The following GALNT17 variants were observed in gnomAD, a reference collection of about 807,000 sequenced individuals.
GALNT17 encodes UDP-GalNAc:polypeptide N-acetylgalactosaminyltransferase-like 3.
A neutral mutation model predicts 63.7 loss-of-function variants in GALNT17; 29 were observed. That is an observed-to-expected ratio of 0.46 (90% CI 0.34 to 0.62). The LOEUF (loss-of-function observed/expected upper bound fraction) is 0.62. Among genes scored for constraint, GALNT17 ranks in the 20% least tolerant of loss-of-function variants. The pLI, the probability that GALNT17 is intolerant of heterozygous loss-of-function variation, is 0.01. For missense variants in GALNT17, 603 were observed against 799.6 expected (o/e 0.75, Z 2.97); for synonymous variants, 305 against 318.3 (o/e 0.96, Z 0.45).
intron 5 of GALNT17, among the ~76,000 whole-genome samples, chr7:71,487,910 A>T (rs1350920737): frequency 6.6e-6 from 1 of 152,074 alleles, no homozygotes; most frequent in Admixed American, 6.6e-5. Flanking sequence ...GCTCACACCT[A>T]TAATTCCAGT....
chr7:71,615,174 C>T lies in GALNT17; in HGVS notation c.1080+43772C>T, dbSNP rs370932131. Reference sequence around the variant, plus strand: ...CAAGGCCAGCGCTTCAGCACATAGCCTGCAGAGGCCCCATTGCCAGTGCCT... The same window carrying T: ...CAAGGCCAGCGCTTCAGCACATAGCTTGCAGAGGCCCCATTGCCAGTGCCT... On this transcript the variant is annotated intron_variant, in intron 6 of 10. Transcript: ENST00000333538. 7.2e-5 allele frequency among the ~76,000 whole-genome samples: 11 copies of T among 152,314 alleles called. No individual in the cohort carries two copies. The East Asian group carries it at 1.7e-3, about 24-fold the overall frequency.
chr7:71,401,097 C>CTTT (rs544794124), intron 3 of GALNT17, among the ~76,000 whole-genome samples: 2 of 140,060 alleles, frequency 1.4e-5, no homozygotes, highest in African/African-American at 2.6e-5. Context: ...TTTTCTTTTT[C>CTTT]TTTTTTTTTT....
intron 5 of GALNT17, among the ~76,000 whole-genome samples, chr7:71,514,287 G>A (rs543928705): frequency 2.0e-5 from 3 of 152,258 alleles, no homozygotes; most frequent in East Asian, 3.9e-4. Context: ...AGCTGGGAAC[G>A]ATCAAGGATG....
At position 71,460,146 on chromosome 7, in the gene GALNT17, G is replaced by A. The variant is rs1296587394; in HGVS notation, c.962+39041G>A. On this transcript the variant is annotated intron_variant, in intron 5 of 10. Coordinates refer to ENST00000333538, the MANE Select transcript of GALNT17 (RefSeq NM_022479.3). ...GGACCCCCTGAGGGCTGTGTCACGG[G>A]CCATGGTCACTCATATTTGGCTCAG... is the stretch of plus-strand genomic sequence containing the variant. 1.3e-5 allele frequency among the ~76,000 whole-genome samples: 2 copies of A among 151,974 alleles called. 1 individual carries two copies. Among genetic ancestry groups the A allele is most frequent in the Non-Finnish European group, 2.9e-5 (2 of 67,988 alleles).
chr7:71,141,736 G>A (rs954718156), intron 1 of GALNT17, among the ~76,000 whole-genome samples: 1 of 150,258 alleles, frequency 6.7e-6, no homozygotes, highest in African/African-American at 2.5e-5. Context: ...GAGTACAGTG[G>A]CATGATCTCG....
In GALNT17 at chr7:71,420,966, A is replaced by G. The variant is rs749428973; in HGVS notation, c.823A>G (p.Ile275Val). 9.3e-6 allele frequency: 15 copies of G among 1,613,964 alleles called. No homozygotes were observed. The highest frequency in any genetic ancestry group is 1.2e-5 in the Non-Finnish European group (14 of 1,180,010). The change falls in exon 5 of 11, where the codon ATT becomes GTT. Residue 275 changes from isoleucine to valine, a missense_variant. Coordinates refer to ENST00000333538, the MANE Select transcript of GALNT17 (RefSeq NM_022479.3). Reference protein sequence around the residue: ...ENRKRVILPSIDNIKQDNFEV... With the variant: ...ENRKRVILPSVDNIKQDNFEV... ...CCGGAAGCGTGTGATCCTCCCCTCC[A>G]TTGACAACATCAAACAGGACAACTT...
At chr7:71,463,360 AG>A (rs1787482680) in intron 5 of GALNT17, among the ~76,000 whole-genome samples, 1 of 152,190 alleles carries the variant, frequency 6.6e-6, no homozygotes, top group Admixed American at 6.5e-5. Flanking sequence ...GCACATGGGC[AG>A]TGTCTAGTGC....
intron 5 of GALNT17, among the ~76,000 whole-genome samples, chr7:71,483,169 G>T (rs529354346): frequency 6.6e-6 from 1 of 152,282 alleles, no homozygotes; most frequent in Admixed American, 6.5e-5. Flanking sequence ...GTTGCTCTGG[G>T]TGAGTCAGTG....
intron 6 of GALNT17, among the ~76,000 whole-genome samples, chr7:71,589,405 C>T (rs1229096236): frequency 6.6e-6 from 1 of 152,008 alleles, no homozygotes; most frequent in Non-Finnish European, 1.5e-5. Context: ...TAGGGAGACC[C>T]GTCTCTACAA....
intron 5 of GALNT17, among the ~76,000 whole-genome samples, chr7:71,439,314 G>A (rs1787023863): frequency 6.6e-6 from 1 of 152,156 alleles, no homozygotes; most frequent in Non-Finnish European, 1.5e-5. Flanking sequence ...CTTACAGAAT[G>A]GTGAACACCT....
At chr7:71,614,635 G>A (rs1330677909) in intron 6 of GALNT17, among the ~76,000 whole-genome samples, 1 of 151,616 alleles carries the variant, frequency 6.6e-6, no homozygotes, top group African/African-American at 2.4e-5. Flanking sequence ...AGAAAGGAAG[G>A]GAGGGTAGGA....
chr7:71,179,940 G>T (rs1212184425), intron 1 of GALNT17, among the ~76,000 whole-genome samples: 1 of 152,074 alleles, frequency 6.6e-6, no homozygotes, highest in African/African-American at 2.4e-5. Context: ...AGGAGGTTTG[G>T]TATATACAAG....
intron 1 of GALNT17, among the ~76,000 whole-genome samples, chr7:71,205,589 T>C (rs1467223011): frequency 6.6e-6 from 1 of 152,166 alleles, no homozygotes; most frequent in Non-Finnish European, 1.5e-5. Context: ...CACGCTTGAC[T>C]AATTTTTAAA....
At position 71,152,696 on chromosome 7, in the gene GALNT17, A is replaced by C. The variant is rs112585165; in HGVS notation, c.238+19656A>C. Reference sequence around the variant, plus strand: ...TGCCCAGGCTGGGGTGCAGTGGTGCAATCTCTGCTCAGGGCAACCTCTGCC... The same window carrying C: ...TGCCCAGGCTGGGGTGCAGTGGTGCCATCTCTGCTCAGGGCAACCTCTGCC... On this transcript the variant is annotated intron_variant, in intron 1 of 10. Coordinates refer to ENST00000333538, the MANE Select transcript of GALNT17 (RefSeq NM_022479.3). Among the ~76,000 whole-genome samples the C allele has an allele frequency of 4.0e-3, 602 of 151,862 alleles. 6 individuals carry two copies. Among genetic ancestry groups the C allele is most frequent in the African/African-American group, 0.013 (556 of 41,412 alleles).
At chr7:71,679,370 GGTGACAGA>G (rs1390553708) in intron 9 of GALNT17, among the ~76,000 whole-genome samples, 1 of 152,034 alleles carries the variant, frequency 6.6e-6, no homozygotes, top group Non-Finnish European at 1.5e-5. Flanking sequence ...TGCACTCCTG[GGTGACAGA>G]GTGAGACCTT....
intron 2 of GALNT17, among the ~76,000 whole-genome samples, chr7:71,337,446 A>G (rs186242229): frequency 1.3e-5 from 2 of 152,358 alleles, no homozygotes; most frequent in African/African-American, 2.4e-5. Context: ...CAGAAAATCT[A>G]TAGTAATTCT....
intron 6 of GALNT17, among the ~76,000 whole-genome samples, chr7:71,578,562 A>AAAC (rs1789576842): frequency 6.6e-6 from 1 of 151,836 alleles, no homozygotes; most frequent in African/African-American, 2.4e-5. Context: ...GGCTGATGTC[A>AAAC]AACTCCTGAC....
chr7:71,654,422 A>T (rs972562324), intron 6 of GALNT17, among the ~76,000 whole-genome samples: 2 of 152,214 alleles, frequency 1.3e-5, no homozygotes, highest in Non-Finnish European at 2.9e-5. Context: ...CACCAGCAAG[A>T]GTCCTAAGTG....
intron 5 of GALNT17, among the ~76,000 whole-genome samples, chr7:71,503,251 A>G (rs1312724479): frequency 6.6e-6 from 1 of 152,016 alleles, no homozygotes; most frequent in Non-Finnish European, 1.5e-5. Flanking sequence ...AATTTACATC[A>G]CTTTTCTGAG....
Sources: allele counts gnomAD v4.1 joint callset (sites outside exome capture counted in the v4.1 genomes callset), GRCh38; gene constraint gnomAD v4.1.1; transcripts MANE v1.5; gene names NCBI Gene and HGNC (gene_info 2026-07-23, HGNC 2026-07-21).